Variants in ARHGAP26 observed in about 807,000 individuals in gnomAD.
ARHGAP26 encodes Rho GTPase activating protein 26, also known as rho GTPase-activating protein 26.
ARHGAP26 carries 38 observed loss-of-function variants against 104.8 expected under a neutral mutation model. The observed-to-expected ratio is 0.36, with a 90% CI of 0.28 to 0.48. The LOEUF (loss-of-function observed/expected upper bound fraction) is 0.48, where lower values mean the gene tolerates loss of function less well. ARHGAP26 is among the 20% of genes least tolerant of loss of function. The probability of loss-of-function intolerance (pLI) is 0.99; values close to 1 mark genes in which losing one functional copy is unlikely to be tolerated. For synonymous variants in ARHGAP26, 341 were observed against 340.0 expected, an observed-to-expected ratio of 1.00 and a Z score of -0.03; for missense variants, 704 against 947.9, an observed-to-expected ratio of 0.74 and a Z score of 3.38.
intron 22 of ARHGAP26, among the ~76,000 whole-genome samples, chr5:143,214,665 G>A (rs925345236): frequency 2.0e-5 from 3 of 152,098 alleles, no homozygotes; most frequent in East Asian, 1.9e-4. Flanking sequence ...CTGTAGTCAC[G>A]TCCACAGGGG....
intron 17 of ARHGAP26, among the ~76,000 whole-genome samples, chr5:143,065,795 C>T (rs988961020): frequency 2.0e-5 from 3 of 152,268 alleles, no homozygotes; most frequent in Middle Eastern, 3.4e-3. Flanking sequence ...ATGGCATTCA[C>T]ACACGGATAC....
intron 19 of ARHGAP26, among the ~76,000 whole-genome samples, chr5:143,136,446 G>A (rs754749136): frequency 3.3e-5 from 5 of 152,226 alleles, no homozygotes; most frequent in African/African-American, 9.6e-5. Flanking sequence ...TCAGATATTT[G>A]TAGGGAGCCT....
At chr5:142,849,438 G>A (rs540769634) in intron 1 of ARHGAP26, among the ~76,000 whole-genome samples, 62 of 152,280 alleles carry the variant, frequency 4.1e-4, no homozygotes, top group Non-Finnish European at 7.5e-4. Flanking sequence ...AACAGCCGCC[G>A]TGAGATTTTG....
At position 143,028,165 on chromosome 5, in the gene ARHGAP26, G is replaced by GGAT. The variant is rs147935644; in HGVS notation, c.1145-9006_1145-9004dup. Reference sequence around the variant, plus strand: ...CGTAGGTTTCCTATCTACAAAATACGGATGATGATGATGATGATGATGATG... The same window carrying GGAT: ...CGTAGGTTTCCTATCTACAAAATACGGATGATGATGATGATGATGATGATGATG... On this transcript the variant is annotated intron_variant, in intron 12 of 22. Coordinates refer to ENST00000645722, the MANE Select transcript of ARHGAP26 (RefSeq NM_001135608.3). Among the ~76,000 whole-genome samples, 894 of 151,888 alleles carry GGAT rather than the reference G, an allele frequency of 5.9e-3. 6 individuals carry two copies. The highest frequency in any genetic ancestry group is 0.027 in the Middle Eastern group (8 of 294).
In ARHGAP26 at chr5:142,770,926, C is replaced by A; in HGVS notation, c.154+11C>A. 1 of 1,599,488 alleles carries A rather than the reference C, an allele frequency of 6.3e-7. No homozygotes were observed. The highest frequency in any genetic ancestry group is 1.1e-5 in the South Asian group (1 of 89,882). On this transcript the variant is annotated intron_variant, in intron 1 of 22. Transcript: ENST00000645722. ...TAAGCGCGCTCAAGAGTGAGTGTCC[C>A]GAGCCCCTCGGGGACGCGGCTCCGG...
intron 1 of ARHGAP26, chr5:142,772,739 A>G: frequency 1.9e-6 from 1 of 533,420 alleles, no homozygotes. Context: ...AGTCCCTGCC[A>G]GTGCAGAGCT....
At chr5:142,953,324 C>T (rs971026466) in intron 11 of ARHGAP26, among the ~76,000 whole-genome samples, 2 of 152,212 alleles carry the variant, frequency 1.3e-5, no homozygotes, top group African/African-American at 4.8e-5. Context: ...AGATTGGTCA[C>T]CTGCACTTAT....
intron 11 of ARHGAP26, among the ~76,000 whole-genome samples, chr5:142,996,176 A>C (rs1776352179): frequency 6.6e-6 from 1 of 152,186 alleles, no homozygotes; most frequent in South Asian, 2.1e-4. Context: ...TGTATCCCAG[A>C]ACTTAAAGTA....
intron 17 of ARHGAP26, among the ~76,000 whole-genome samples, chr5:143,090,735 T>A (rs1346880062): frequency 6.6e-6 from 1 of 152,134 alleles, no homozygotes; most frequent in Non-Finnish European, 1.5e-5. Context: ...TTTAGGAAAT[T>A]GCAAAAACCT....
intron 17 of ARHGAP26, among the ~76,000 whole-genome samples, chr5:143,101,107 C>T (rs1793167103): frequency 6.6e-6 from 1 of 152,062 alleles, no homozygotes; most frequent in African/African-American, 2.4e-5. Flanking sequence ...AACAAACAAA[C>T]AAACAAAAAA....
chr5:142,770,670 G>C lies in ARHGAP26; in HGVS notation c.-92G>C, dbSNP rs1213583992. On this transcript the variant is annotated 5_prime_UTR_variant, in exon 1 of 23. Transcript: ENST00000645722. ...TGTGGAGCCGGCGGCCGTCGGGGGA[G>C]CCGGCCGGGGTCCCGCCGCGTGAGT... 2.1e-6 allele frequency: 2 copies of C among 963,180 alleles called. No homozygotes were observed. Among genetic ancestry groups the C allele is most frequent in the East Asian group, 1.5e-4 (2 of 12,918 alleles). The allele number at this position is 963,180 out of a possible 1,614,324, so 59.7% of individuals were successfully genotyped here. A position where few individuals can be genotyped will look rare whatever the true frequency, so the allele number is the denominator to read the frequency against.
intron 18 of ARHGAP26, among the ~76,000 whole-genome samples, chr5:143,132,440 C>G (rs1197306591): frequency 6.6e-6 from 1 of 151,082 alleles, no homozygotes; most frequent in African/African-American, 2.4e-5. Context: ...AGACCAACTT[C>G]AAAGAATAAG....
chr5:142,993,346 T>C (rs564113307), intron 11 of ARHGAP26, among the ~76,000 whole-genome samples: 14 of 152,034 alleles, frequency 9.2e-5, no homozygotes, highest in African/African-American at 3.4e-4. Flanking sequence ...ATTTTTTGTA[T>C]TTTTAGTAGA....
chr5:142,821,143 TA>T (rs149667758), intron 1 of ARHGAP26, among the ~76,000 whole-genome samples: 1,934 of 152,198 alleles, frequency 0.013, 35 homozygotes, highest in African/African-American at 0.044. Flanking sequence ...TATTATCCCC[TA>T]TCTTTAAGGC....
chr5:143,031,225 C>T (rs2152860420), intron 12 of ARHGAP26, among the ~76,000 whole-genome samples: 1 of 152,238 alleles, frequency 6.6e-6, no homozygotes, highest in East Asian at 1.9e-4. Context: ...TCACACACAG[C>T]TTTGTGAGCA....
chr5:143,116,661 C>G (rs1346241849), intron 17 of ARHGAP26, among the ~76,000 whole-genome samples: 2 of 152,202 alleles, frequency 1.3e-5, no homozygotes, highest in Non-Finnish European at 2.9e-5. Flanking sequence ...GCCACCATCC[C>G]CACCACCATC....
intron 18 of ARHGAP26, among the ~76,000 whole-genome samples, chr5:143,127,711 A>C (rs1796881233): frequency 6.6e-6 from 1 of 152,218 alleles, no homozygotes; most frequent in South Asian, 2.1e-4. Flanking sequence ...GCTTTTACCA[A>C]AATATTGGTG....
At position 142,824,591 on chromosome 5, in the gene ARHGAP26, G is replaced by A. The variant is rs138453302; in HGVS notation, c.155-48809G>A. 3.8e-3 allele frequency among the ~76,000 whole-genome samples: 576 copies of A among 152,304 alleles called. 11 individuals are homozygous for A. Among genetic ancestry groups the A allele is most frequent in the Admixed American group, 0.031 (478 of 15,302 alleles). ...CCTGGTGCCAGGCAGCATGGAGCTCGGCAGGATTAAAAGGAGGTTGATTAC... is the reference window on the plus strand; with the variant it reads ...CCTGGTGCCAGGCAGCATGGAGCTCAGCAGGATTAAAAGGAGGTTGATTAC... On this transcript the variant is annotated intron_variant, in intron 1 of 22. Coordinates refer to ENST00000645722, the MANE Select transcript of ARHGAP26 (RefSeq NM_001135608.3).
intron 11 of ARHGAP26, among the ~76,000 whole-genome samples, chr5:142,986,897 G>A (rs1434654300): frequency 3.3e-5 from 5 of 152,170 alleles, no homozygotes; most frequent in Non-Finnish European, 7.3e-5. Flanking sequence ...ATGCTGTTTG[G>A]TTACTGTAGC....
Sources: allele counts gnomAD v4.1 joint callset (sites outside exome capture counted in the v4.1 genomes callset), GRCh38; gene constraint gnomAD v4.1.1; transcripts MANE v1.5; gene names NCBI Gene and HGNC (gene_info 2026-07-23, HGNC 2026-07-21).